Variants in ADGRL3 observed in about 807,000 individuals in gnomAD.
ADGRL3 encodes the protein calcium-independent alpha-latrotoxin receptor 3.
In ADGRL3, 62 loss-of-function variants were observed where a neutral mutation model predicts 153.5. That is an observed-to-expected ratio of 0.40 (90% CI 0.33 to 0.50). The LOEUF (loss-of-function observed/expected upper bound fraction) is 0.50, where lower values mean the gene tolerates loss of function less well. ADGRL3 is among the 20% of genes least tolerant of loss of function. The probability of loss-of-function intolerance (pLI) is 0.47; values close to 1 mark genes in which losing one functional copy is unlikely to be tolerated. For missense variants in ADGRL3, 1,641 were observed against 1,859.4 expected, an observed-to-expected ratio of 0.88 and a Z score of 2.16; for synonymous variants, 710 against 672.5, an observed-to-expected ratio of 1.06 and a Z score of -0.86.
At chr4:61,364,979 G>A (rs1405923294) in intron 1 of ADGRL3, among the ~76,000 whole-genome samples, 3 of 152,092 alleles carry the variant, frequency 2.0e-5, no homozygotes, top group African/African-American at 2.4e-5. Flanking sequence ...CTTAGCCTGA[G>A]GTTGAATTTC....
At chr4:62,068,209 A>G in intron 26 of ADGRL3, 26 bp downstream of exon 26, 1 of 1,584,148 alleles carries the variant, frequency 6.3e-7, no homozygotes, top group East Asian at 2.3e-5. Flanking sequence ...TAAACATTGC[A>G]TATCAAATGT....
At chr4:61,679,241 A>T in intron 6 of ADGRL3, among the ~76,000 whole-genome samples, 1 of 151,986 alleles carries the variant, frequency 6.6e-6, no homozygotes, top group East Asian at 1.9e-4. Flanking sequence ...TCTTATGTGA[A>T]TTCATTACCA....
chr4:61,599,785 G>T (rs1283266082), intron 5 of ADGRL3, among the ~76,000 whole-genome samples: 1 of 152,166 alleles, frequency 6.6e-6, no homozygotes, highest in Non-Finnish European at 1.5e-5. Flanking sequence ...GAGAACAGGA[G>T]AAGGTCAGAG....
Position 61,798,378 on chromosome 4 carries a change from CA to C in ADGRL3, c.1400-15430del, listed in dbSNP as rs1482086557. Among the ~76,000 whole-genome samples, 6 of 152,174 alleles carry C rather than the reference CA, an allele frequency of 3.9e-5. No individual in the cohort carries two copies. The East Asian group carries it at 1.2e-3, about 29-fold the overall frequency. On this transcript the variant is annotated intron_variant, in intron 8 of 26. Transcript: ENST00000683033. ...TGATTCTTTCCTCTCTGTATATGTG[CA>C]TGTGTGTCTGTGTGTGTGTCTACAT... is the stretch of plus-strand genomic sequence containing the variant.
intron 1 of ADGRL3, among the ~76,000 whole-genome samples, chr4:61,306,843 T>G (rs1401315527): frequency 6.6e-6 from 1 of 152,212 alleles, no homozygotes; most frequent in Non-Finnish European, 1.5e-5. Flanking sequence ...CCTTCACGTG[T>G]GCAACCATTT....
At chr4:61,636,756 TTATG>T (rs1299046891) in intron 5 of ADGRL3, among the ~76,000 whole-genome samples, 1 of 151,048 alleles carries the variant, frequency 6.6e-6, no homozygotes. Context: ...GAATATATAT[TTATG>T]TAGGAAGATA....
intron 2 of ADGRL3, among the ~76,000 whole-genome samples, chr4:61,456,956 G>A (rs2097762658): frequency 6.6e-6 from 1 of 151,886 alleles, no homozygotes; most frequent in Non-Finnish European, 1.5e-5. Flanking sequence ...ATGTTTTCAT[G>A]TAATTCTTTT....
intron 1 of ADGRL3, among the ~76,000 whole-genome samples, chr4:61,277,065 G>GT (rs547008408): frequency 4.6e-5 from 7 of 152,080 alleles, no homozygotes; most frequent in Admixed American, 2.6e-4. Context: ...TTTAGCAAGT[G>GT]TTTTTTTGAT....
intron 2 of ADGRL3, among the ~76,000 whole-genome samples, chr4:61,495,625 T>G (rs977536248): frequency 2.0e-5 from 3 of 152,054 alleles, no homozygotes; most frequent in African/African-American, 7.2e-5. Context: ...AGGATTTGGA[T>G]TATGTTTCTT....
chr4:61,645,825 G>C (rs1216927967), intron 5 of ADGRL3, among the ~76,000 whole-genome samples: 1 of 152,120 alleles, frequency 6.6e-6, no homozygotes, highest in African/African-American at 2.4e-5. Flanking sequence ...GAGTCTTAAT[G>C]TTGGCCTGCG....
In ADGRL3 at chr4:61,936,679, G is replaced by T. The variant is rs550816140; in HGVS notation, c.2419+634G>T. On this transcript the variant is annotated intron_variant, in intron 15 of 26. Transcript: ENST00000683033. ...CATGTATCTGTATGTGTGTATATAT[G>T]TATGTATAGATGTGTGTGTATATAT... 2.0e-5 allele frequency among the ~76,000 whole-genome samples: 3 copies of T among 150,722 alleles called. No individual in the cohort carries two copies. The South Asian group carries it at 6.2e-4, about 31-fold the overall frequency.
At chr4:61,373,088 C>T (rs941991803) in intron 1 of ADGRL3, among the ~76,000 whole-genome samples, 5 of 152,148 alleles carry the variant, frequency 3.3e-5, no homozygotes, top group Admixed American at 6.5e-5. Flanking sequence ...TGCTTCGGCT[C>T]GTGCAGGGTG....
At chr4:61,210,938 G>T (rs1256997440) in intron 1 of ADGRL3, among the ~76,000 whole-genome samples, 1 of 152,080 alleles carries the variant, frequency 6.6e-6, no homozygotes, top group Non-Finnish European at 1.5e-5. Context: ...GAAGAGCTAG[G>T]CAGCCATTTA....
At chr4:61,359,561 C>T (rs891339837) in intron 1 of ADGRL3, among the ~76,000 whole-genome samples, 32 of 152,304 alleles carry the variant, frequency 2.1e-4, no homozygotes, top group African/African-American at 7.7e-4. Context: ...CTCTGAAATG[C>T]TCTCCTTGTC....
At chr4:61,865,977 G>A (rs6844350) in intron 9 of ADGRL3, among the ~76,000 whole-genome samples, 2,957 of 152,254 alleles carry the variant, frequency 0.019, 98 homozygotes, top group African/African-American at 0.066. Context: ...AAGTTTGACA[G>A]TGAAAATGAA....
chr4:62,032,822 C>G (rs1418619618), intron 23 of ADGRL3, among the ~76,000 whole-genome samples: 1 of 151,026 alleles, frequency 6.6e-6, no homozygotes, highest in East Asian at 1.9e-4. Context: ...TTGACATGAT[C>G]GCAAATACAG....
chr4:61,277,693 C>T (rs951205360), intron 1 of ADGRL3, among the ~76,000 whole-genome samples: 6 of 152,100 alleles, frequency 3.9e-5, no homozygotes, highest in Admixed American at 1.3e-4. Context: ...CTTAACCTTC[C>T]TGAAATCCAT....
chr4:61,563,459 A>G (rs1603660), intron 4 of ADGRL3, among the ~76,000 whole-genome samples: 93,859 of 152,048 alleles, frequency 0.62, 30,615 homozygotes, highest in African/African-American at 0.83. Context: ...GTCACCAGCT[A>G]CATTAGCCTT....
chr4:61,777,265 G>A (rs1054302666), intron 8 of ADGRL3, among the ~76,000 whole-genome samples: 1 of 151,954 alleles, frequency 6.6e-6, no homozygotes, highest in Non-Finnish European at 1.5e-5. Context: ...CCTGCGAGGC[G>A]GAGCTTTCAG....
Sources: gnomAD v4.1 joint callset for allele counts (sites outside exome capture counted in the v4.1 genomes callset) on GRCh38, gnomAD v4.1.1 for gene constraint, MANE v1.5 for transcripts, NCBI Gene and HGNC (gene_info 2026-07-23, HGNC 2026-07-21) for gene names.